Variants in CHLSN observed in about 807,000 individuals in gnomAD.
CHLSN encodes protein cholesin.
At chr7:1,095,985 G>A in the CHLSN span, among the ~76,000 whole-genome samples, 2 of 152,208 alleles carry the variant, frequency 1.3e-5, no homozygotes, top group African/African-American at 4.8e-5. Context: ...AGGTGATCTG[G>A]GTGGGAACTG....
chr7:980,295 C>T, the CHLSN span, among the ~76,000 whole-genome samples: 1 of 151,798 alleles, frequency 6.6e-6, no homozygotes, highest in Non-Finnish European at 1.5e-5. Flanking sequence ...CTGCATTCCT[C>T]CTGGTCACAG....
chr7:1,026,705 C>T, the CHLSN span: 10 of 152,208 alleles, frequency 6.6e-5, no homozygotes, highest in African/African-American at 2.2e-4. Flanking sequence ...CAAAGACATC[C>T]ACGCCCCTCA....
chr7:1,085,610 A>C, the CHLSN span, among the ~76,000 whole-genome samples: 1 of 151,846 alleles, frequency 6.6e-6, no homozygotes, highest in Non-Finnish European at 1.5e-5. Context: ...AGACAGGAGG[A>C]TCTCTTGAGC....
the CHLSN span, among the ~76,000 whole-genome samples, chr7:1,045,011 G>A: frequency 5.3e-5 from 8 of 152,230 alleles, no homozygotes; most frequent in African/African-American, 1.7e-4. Context: ...ACTGCTTTCG[G>A]CCCCTTCTGT....
At chr7:1,007,151 ACT>A in the CHLSN span, among the ~76,000 whole-genome samples, 7 of 151,884 alleles carry the variant, frequency 4.6e-5, no homozygotes, top group East Asian at 1.4e-3. Context: ...ATGAGAGGAA[ACT>A]CTCCACCATG....
At chr7:1,033,946 C>G in the CHLSN span, among the ~76,000 whole-genome samples, 3 of 152,356 alleles carry the variant, frequency 2.0e-5, no homozygotes, top group East Asian at 5.8e-4. Flanking sequence ...CACTGCTATC[C>G]AGCATCAGGC....
the CHLSN span, among the ~76,000 whole-genome samples, chr7:1,037,640 G>A: frequency 7.1e-6 from 1 of 141,288 alleles, no homozygotes; most frequent in Non-Finnish European, 1.6e-5. Context: ...CCAAAGTGCC[G>A]AGATTGCAGC....
the CHLSN span, chr7:1,138,004 C>CG: frequency 3.7e-5 from 1 of 27,090 alleles, no homozygotes; most frequent in Non-Finnish European, 6.5e-5. Context: ...CGGGACGCAC[C>CG]GGCCGCACCG....
At chr7:1,095,997 G>C in the CHLSN span, among the ~76,000 whole-genome samples, 3 of 152,194 alleles carry the variant, frequency 2.0e-5, no homozygotes, top group Non-Finnish European at 1.5e-5. Flanking sequence ...TGGGAACTGC[G>C]TCTGAACAGA....
At chr7:1,036,411 TCGGG>T in the CHLSN span, among the ~76,000 whole-genome samples, 3 of 147,664 alleles carry the variant, frequency 2.0e-5, no homozygotes, top group South Asian at 6.5e-4. Context: ...CGTGCAGGGC[TCGGG>T]TGCTCGTGGT....
At chr7:1,043,443 A>G in the CHLSN span, 2 of 152,238 alleles carry the variant, frequency 1.3e-5, no homozygotes, top group African/African-American at 4.8e-5. Flanking sequence ...GGACGTATCT[A>G]CCTCAAAACA....
the CHLSN span, among the ~76,000 whole-genome samples, chr7:1,063,749 G>A: frequency 6.6e-6 from 1 of 152,256 alleles, no homozygotes; most frequent in African/African-American, 2.4e-5. Flanking sequence ...CCTCTCCAAA[G>A]AAGCGCCTCT....
At chr7:1,027,335 G>C in the CHLSN span, among the ~76,000 whole-genome samples, 16 of 152,372 alleles carry the variant, frequency 1.1e-4, no homozygotes, top group African/African-American at 3.6e-4. Flanking sequence ...GTGAGGCCCA[G>C]CAGCAGGCTA....
chr7:979,580 C>T, the CHLSN span, among the ~76,000 whole-genome samples: 6 of 152,078 alleles, frequency 3.9e-5, no homozygotes, highest in South Asian at 6.2e-4. Context: ...GGTGAAACCC[C>T]GTCTCTACTA....
chr7:1,127,583 T>C, the CHLSN span, among the ~76,000 whole-genome samples: 1 of 151,876 alleles, frequency 6.6e-6, no homozygotes, highest in African/African-American at 2.4e-5. Flanking sequence ...CATTTTGGTA[T>C]ATTTCCTTTC....
chr7:1,071,613 T>C, the CHLSN span, among the ~76,000 whole-genome samples: 27 of 152,090 alleles, frequency 1.8e-4, no homozygotes, highest in Admixed American at 1.4e-3. Context: ...GAAGCCACTG[T>C]TTCCACAGAC....
At chr7:1,119,263 T>C in the CHLSN span, among the ~76,000 whole-genome samples, 1 of 151,446 alleles carries the variant, frequency 6.6e-6, no homozygotes, top group South Asian at 2.1e-4. Context: ...TGCACTACAC[T>C]CAACAATTCA....
At chr7:1,111,231 T>C in the CHLSN span, among the ~76,000 whole-genome samples, 1 of 152,268 alleles carries the variant, frequency 6.6e-6, no homozygotes, top group Admixed American at 6.5e-5. Context: ...AATGTTTTGC[T>C]ATTTAAAATA....
At chr7:1,115,592 G>A in the CHLSN span, among the ~76,000 whole-genome samples, 71 of 101,996 alleles carry the variant, frequency 7.0e-4, no homozygotes, top group Middle Eastern at 8.5e-3. Context: ...AGGCAGGATG[G>A]CATCACTACA....
Sources: gnomAD v4.1 joint callset for allele counts (sites outside exome capture counted in the v4.1 genomes callset) on GRCh38, gnomAD v4.1.1 for gene constraint, MANE v1.5 for transcripts, NCBI Gene and HGNC (gene_info 2026-07-23, HGNC 2026-07-21) for gene names.